Variants in MSH3 observed in about 807,000 individuals in gnomAD.
MSH3 encodes the protein mutS homolog 3.
In MSH3, 106 loss-of-function variants were observed where a neutral mutation model predicts 123.3. The ratio of observed to expected loss-of-function variants is 0.86; its 90% CI spans 0.73 to 1.01. The LOEUF (loss-of-function observed/expected upper bound fraction) is 1.01, where lower values mean the gene tolerates loss of function less well. Among genes scored for constraint, MSH3 ranks in the 50% least tolerant of loss-of-function variants. The pLI is 0.00. For missense variants in MSH3, 1,459 were observed against 1,347.6 expected (o/e 1.08, Z -1.29); for synonymous variants, 515 against 481.4 (o/e 1.07, Z -0.91).
chr5:80,718,089 A>G (rs1580582726), intron 8 of MSH3, among the ~76,000 whole-genome samples: 1 of 152,224 alleles, frequency 6.6e-6, no homozygotes, highest in African/African-American at 2.4e-5. Flanking sequence ...ACCACCATCT[A>G]GTCCAGGATA....
chr5:80,775,188 G>A (rs1334755332), intron 15 of MSH3, among the ~76,000 whole-genome samples: 1 of 152,140 alleles, frequency 6.6e-6, no homozygotes, highest in Non-Finnish European at 1.5e-5. Flanking sequence ...TTTATAGTTA[G>A]GGAAGTCAGT....
chr5:80,814,833 G>A (rs1053635110), intron 20 of MSH3, among the ~76,000 whole-genome samples: 1 of 152,206 alleles, frequency 6.6e-6, no homozygotes, highest in African/African-American at 2.4e-5. Flanking sequence ...TACCCTCAAT[G>A]TGTAAACCTA....
intron 8 of MSH3, among the ~76,000 whole-genome samples, chr5:80,713,301 C>G (rs1446801248): frequency 6.6e-6 from 1 of 152,150 alleles, no homozygotes; most frequent in Non-Finnish European, 1.5e-5. Flanking sequence ...TCAACACTTG[C>G]TGAGAGAGCA....
At chr5:80,744,696 A>G (rs1743683747) in intron 12 of MSH3, 81 bp downstream of exon 12, 4 of 987,864 alleles carry the variant, frequency 4.0e-6, no homozygotes, top group Non-Finnish European at 1.6e-6. Flanking sequence ...CAAGGTTACC[A>G]TTGTTTTTAA....
At chr5:80,661,189 C>G (rs976214329) in intron 2 of MSH3, among the ~76,000 whole-genome samples, 1 of 152,124 alleles carries the variant, frequency 6.6e-6, no homozygotes, top group Non-Finnish European at 1.5e-5. Flanking sequence ...GTTTATAGGT[C>G]TTATTAAATG....
intron 18 of MSH3, among the ~76,000 whole-genome samples, chr5:80,791,486 T>A (rs1744605125): frequency 6.6e-6 from 1 of 152,200 alleles, no homozygotes; most frequent in Admixed American, 6.5e-5. Context: ...TGATGAGCAA[T>A]GACATTCAGA....
intron 20 of MSH3, among the ~76,000 whole-genome samples, chr5:80,831,427 T>C (rs1745415457): frequency 6.6e-6 from 1 of 152,190 alleles, no homozygotes; most frequent in Non-Finnish European, 1.5e-5. Context: ...TAGTGGTAAA[T>C]CATTTGTAAT....
At chr5:80,863,611 C>T (rs1250577693) in intron 21 of MSH3, among the ~76,000 whole-genome samples, 1 of 150,166 alleles carries the variant, frequency 6.7e-6, no homozygotes, top group East Asian at 1.9e-4. Context: ...GCGGAGCTTG[C>T]AGTGAGCCAA....
chr5:80,662,522 A>G (rs1463685984), intron 2 of MSH3, among the ~76,000 whole-genome samples: 1 of 152,176 alleles, frequency 6.6e-6, no homozygotes, highest in Admixed American at 6.5e-5. Flanking sequence ...TATAGGGACA[A>G]ATCTCTAAAA....
chr5:80,775,832 T>C (rs1561474225), intron 16 of MSH3, 74 bp downstream of exon 16: 2 of 802,844 alleles, frequency 2.5e-6, no homozygotes, highest in Non-Finnish European at 4.3e-6. Context: ...ACTGGGCTCA[T>C]CGTAGCCACA....
At chr5:80,746,157 ACT>A (rs1199186590) in intron 12 of MSH3, among the ~76,000 whole-genome samples, 1 of 152,058 alleles carries the variant, frequency 6.6e-6, no homozygotes, top group Non-Finnish European at 1.5e-5. Flanking sequence ...ACTATGAGAA[ACT>A]CAGCCATAGG....
chr5:80,674,182 G>GT (rs1039452852), intron 6 of MSH3, among the ~76,000 whole-genome samples: 1 of 152,096 alleles, frequency 6.6e-6, no homozygotes, highest in African/African-American at 2.4e-5. Context: ...TTCTAGTACA[G>GT]TCCCCCTCCC....
intron 21 of MSH3, among the ~76,000 whole-genome samples, chr5:80,857,760 C>T (rs977412227): frequency 6.6e-6 from 1 of 152,088 alleles, no homozygotes; most frequent in African/African-American, 2.4e-5. Flanking sequence ...CTGATATTAG[C>T]CATTTGTGTC....
intron 22 of MSH3, among the ~76,000 whole-genome samples, chr5:80,866,024 A>G (rs1396176334): frequency 6.6e-6 from 1 of 152,274 alleles, no homozygotes; most frequent in East Asian, 1.9e-4. Context: ...AATAGAGTTC[A>G]CCAACAGGGA....
At chr5:80,696,045 C>CAAG (rs1750470809) in intron 8 of MSH3, among the ~76,000 whole-genome samples, 1 of 152,042 alleles carries the variant, frequency 6.6e-6, no homozygotes, top group Non-Finnish European at 1.5e-5. Flanking sequence ...CCGTTGAAAC[C>CAAG]CGAGGGAGAT....
chr5:80,692,662 AC>A (rs900046209), intron 8 of MSH3, among the ~76,000 whole-genome samples: 2 of 138,128 alleles, frequency 1.4e-5, no homozygotes, highest in African/African-American at 5.1e-5. Flanking sequence ...ATATATATAT[AC>A]ACATGTATAT....
chr5:80,744,713 A>G lies in MSH3; in HGVS notation c.1763+98A>G, dbSNP rs3816729. 83,928 of 850,678 alleles carry G rather than the reference A, an allele frequency of 0.099. 7,316 individuals carry two copies. The highest frequency in any genetic ancestry group is 0.36 in the East Asian group (13,450 of 37,742). 52.7% of individuals were successfully genotyped at this position (850,678 alleles called of 1,614,324 possible). On this transcript the variant is annotated intron_variant, in intron 12 of 23. Transcript: ENST00000265081. ...AGGTTACCATTGTTTTTAAGAACACAGTTTTAAATTGGAGAACATTTTATT... is the reference window on the plus strand; with the variant it reads ...AGGTTACCATTGTTTTTAAGAACACGGTTTTAAATTGGAGAACATTTTATT...
At position 80,761,586 on chromosome 5, in the gene MSH3, C is replaced by T. The variant is rs1744034436; in HGVS notation, c.1804C>T (p.His602Tyr). Residue 602 changes from histidine to tyrosine, a missense_variant, in exon 13 of 24, where the codon CAT becomes TAT. Coordinates refer to ENST00000265081, the MANE Select transcript of MSH3 (RefSeq NM_002439.5). ...GCTTGATGCTGTATCGGAAGTTCTC[C>T]ATTCAGAATCTAGTGTGTTTGGTCA... The part of the protein sequence containing the change: ...ARLDAVSEVL[H>Y]SESSVFGQIE... 3 of 1,614,048 alleles carry T rather than the reference C, an allele frequency of 1.9e-6. No homozygotes were observed. Among genetic ancestry groups the T allele is most frequent in the Non-Finnish European group, 2.5e-6 (3 of 1,179,950 alleles).
chr5:80,811,292 A>G (rs567033330), intron 19 of MSH3, among the ~76,000 whole-genome samples: 1 of 152,104 alleles, frequency 6.6e-6, no homozygotes, highest in African/African-American at 2.4e-5. Context: ...TTGTTTCACA[A>G]GTGAATGTTG....
Sources: allele counts gnomAD v4.1 joint callset (sites outside exome capture counted in the v4.1 genomes callset), GRCh38; gene constraint gnomAD v4.1.1; transcripts MANE v1.5; gene names NCBI Gene and HGNC (gene_info 2026-07-23, HGNC 2026-07-21).